BMPR1B: variants seen among roughly 807,000 people sequenced by gnomAD.
The protein encoded by BMPR1B is bone morphogenetic protein receptor type-1B.
In BMPR1B, 12 loss-of-function variants were observed where a neutral mutation model predicts 59.1. The ratio of observed to expected loss-of-function variants is 0.20; its 90% confidence interval spans 0.13 to 0.33. BMPR1B has a LOEUF of 0.33. Ranked by LOEUF, BMPR1B falls within the 10% of genes least tolerant of loss-of-function variation. The probability of loss-of-function intolerance (pLI) is 1.00; values close to 1 mark genes in which losing one functional copy is unlikely to be tolerated. For missense variants in BMPR1B, 550 were observed against 610.9 expected (o/e 0.90, Z 1.05); for synonymous variants, 237 against 207.3 (o/e 1.14, Z -1.23).
chr4:95,023,740 C>G (rs1041468554), intron 3 of BMPR1B, among the ~76,000 whole-genome samples: 1 of 152,060 alleles, frequency 6.6e-6, no homozygotes, highest in Non-Finnish European at 1.5e-5. Context: ...TTTTGGGTTC[C>G]CCAGCTTTGA....
At chr4:94,771,611 T>G (rs1168349492) in intron 1 of BMPR1B, among the ~76,000 whole-genome samples, 5 of 152,304 alleles carry the variant, frequency 3.3e-5, no homozygotes, top group African/African-American at 1.2e-4. Context: ...TGGAAAAATA[T>G]ATTTTGAACT....
intron 3 of BMPR1B, among the ~76,000 whole-genome samples, chr4:95,092,027 G>A (rs1469303960): frequency 6.6e-6 from 1 of 151,932 alleles, no homozygotes; most frequent in African/African-American, 2.4e-5. Context: ...TTGATGTTGT[G>A]AATTCTTTTA....
At position 95,104,514 on chromosome 4, in the gene BMPR1B, G is replaced by A. The variant is rs1475986082; in HGVS notation, c.90G>A (p.Leu30=). The A allele has an allele frequency of 6.2e-7, 1 of 1,613,476 alleles. No homozygotes were observed. Among genetic ancestry groups the A allele is most frequent in the Non-Finnish European group, 8.5e-7 (1 of 1,179,660 alleles). The stretch of plus-strand genomic sequence containing the variant: ...CCCCCACCCCCCGTCCAAAGGTCTT[G>A]CGTTGTAAATGCCACCACCATTGTC... ...STAPTPRPKV[L]RCKCHHHCPE... is the part of the protein sequence containing the mutation. Residue 30 remains leucine, a synonymous_variant, in exon 4 of 13, where the codon TTG becomes TTA. Coordinates refer to ENST00000515059, the MANE Select transcript of BMPR1B (RefSeq NM_001203.3).
intron 3 of BMPR1B, among the ~76,000 whole-genome samples, chr4:95,055,378 A>T (rs1204938148): frequency 6.6e-6 from 1 of 152,198 alleles, no homozygotes; most frequent in Non-Finnish European, 1.5e-5. Context: ...TTAGAATGAT[A>T]ATATTGCTAT....
Position 94,959,092 on chromosome 4 carries a change from G to A in BMPR1B, c.-112-36948G>A, listed in dbSNP as rs544591908. ...GATTTTAGGGTTGCTTGAAAGCCAC[G>A]AAAAGGTGTTTTAACTCTATGATCC... On this transcript the variant is annotated intron_variant, in intron 2 of 12. Transcript: ENST00000515059. Among the ~76,000 whole-genome samples, 209 of 152,178 alleles carry A rather than the reference G, an allele frequency of 1.4e-3. 2 individuals are homozygous for A. The highest frequency in any genetic ancestry group is 1.2e-3 in the Non-Finnish European group (80 of 68,004).
intron 1 of BMPR1B, among the ~76,000 whole-genome samples, chr4:94,812,954 A>G (rs1349381232): frequency 1.3e-5 from 2 of 151,258 alleles, no homozygotes; most frequent in Non-Finnish European, 2.9e-5. Context: ...GACAATTTTT[A>G]TTTTCTTATT....
intron 3 of BMPR1B, among the ~76,000 whole-genome samples, chr4:95,099,909 T>A (rs918629757): frequency 6.6e-6 from 1 of 152,232 alleles, no homozygotes; most frequent in Non-Finnish European, 1.5e-5. Context: ...CTCTCGTCTG[T>A]ATAAGAGTTT....
intron 1 of BMPR1B, among the ~76,000 whole-genome samples, chr4:94,797,325 A>G (rs1035792844): frequency 2.1e-4 from 32 of 152,230 alleles, no homozygotes; most frequent in African/African-American, 7.2e-4. Flanking sequence ...GAGCCAAACC[A>G]TATCAATGTG....
chr4:95,116,547 TGAGAA>T (rs1225699924), intron 6 of BMPR1B, among the ~76,000 whole-genome samples: 1 of 152,052 alleles, frequency 6.6e-6, no homozygotes, highest in African/African-American at 2.4e-5. Context: ...TTTTATTTCT[TGAGAA>T]GAGAAAAATC....
chr4:94,967,446 C>T (rs116523544), intron 2 of BMPR1B, among the ~76,000 whole-genome samples: 1,591 of 151,906 alleles, frequency 0.01, 29 homozygotes, highest in African/African-American at 0.037. Flanking sequence ...TCCCTTTCCT[C>T]TCCTCTCCTC....
intron 2 of BMPR1B, among the ~76,000 whole-genome samples, chr4:94,898,124 A>T (rs1386851229): frequency 3.3e-5 from 5 of 150,212 alleles, no homozygotes; most frequent in South Asian, 2.1e-4. Flanking sequence ...TTTTTTAAAA[A>T]TTTTTTTCTA....
chr4:94,889,307 A>G (rs1727299763), intron 2 of BMPR1B, among the ~76,000 whole-genome samples: 1 of 152,122 alleles, frequency 6.6e-6, no homozygotes, highest in Non-Finnish European at 1.5e-5. Flanking sequence ...GCAAAATAAA[A>G]TATCTAGAAT....
At chr4:95,084,265 G>A (rs555085620) in intron 3 of BMPR1B, among the ~76,000 whole-genome samples, 1 of 150,680 alleles carries the variant, frequency 6.6e-6, no homozygotes, top group Non-Finnish European at 1.5e-5. Context: ...TATATATTCA[G>A]TACTCTGTGT....
At chr4:94,923,448 G>T (rs1426068763) in intron 2 of BMPR1B, among the ~76,000 whole-genome samples, 1 of 152,108 alleles carries the variant, frequency 6.6e-6, no homozygotes. Context: ...TGATTTACTT[G>T]TTGGTGAGGT....
At chr4:94,921,387 A>T (rs962620262) in intron 2 of BMPR1B, among the ~76,000 whole-genome samples, 1 of 152,110 alleles carries the variant, frequency 6.6e-6, no homozygotes, top group Admixed American at 6.6e-5. Context: ...TATAAATAAG[A>T]GGTTTAATTG....
At chr4:95,026,188 G>A (rs943911568) in intron 3 of BMPR1B, among the ~76,000 whole-genome samples, 6 of 95,906 alleles carry the variant, frequency 6.3e-5, no homozygotes, top group African/African-American at 2.2e-4. Flanking sequence ...GTAGATCGAA[G>A]AACATAAATA....
At position 94,758,951 on chromosome 4, in the gene BMPR1B, C is replaced by T. The variant is rs559924527; in HGVS notation, c.-183+883C>T. The stretch of plus-strand genomic sequence containing the variant: ...CTCTCTCTCTCTCTCAAGAGGCTTT[C>T]GCTCCCGGTCTTCCTGGCTCCCCTG... On this transcript the variant is annotated intron_variant, in intron 1 of 12. Coordinates refer to ENST00000515059, the MANE Select transcript of BMPR1B (RefSeq NM_001203.3). Among the ~76,000 whole-genome samples, 7 of 152,258 alleles carry T rather than the reference C, an allele frequency of 4.6e-5. No individual in the cohort carries two copies. The East Asian group carries it at 1.4e-3, about 29-fold the overall frequency.
chr4:95,043,168 C>T (rs184544569), intron 3 of BMPR1B, among the ~76,000 whole-genome samples: 9,945 of 108,142 alleles, frequency 0.092, 763 homozygotes, highest in East Asian at 0.46. Flanking sequence ...GGCGACAGAG[C>T]GAGACTCCGT....
chr4:95,142,946 C>T (rs62316255), intron 10 of BMPR1B, among the ~76,000 whole-genome samples: 38,913 of 151,868 alleles, frequency 0.26, 6,113 homozygotes, highest in South Asian at 0.36. Context: ...TTAAAAAACT[C>T]CCCCTTACTC....
Sources: allele counts gnomAD v4.1 joint callset (sites outside exome capture counted in the v4.1 genomes callset), GRCh38; gene constraint gnomAD v4.1.1; transcripts MANE v1.5; gene names NCBI Gene and HGNC (gene_info 2026-07-23, HGNC 2026-07-21).